KNL1: variants seen among roughly 807,000 people sequenced by gnomAD.
The protein encoded by KNL1 is outer kinetochore KNL1 complex subunit KNL1.
A neutral mutation model predicts 201.3 loss-of-function variants in KNL1; 66 were observed. The observed-to-expected ratio is 0.33, with a 90% CI of 0.27 to 0.40. KNL1 has a LOEUF of 0.40. Among genes scored for constraint, KNL1 ranks in the 10% least tolerant of loss-of-function variants. KNL1 has a pLI of 1.00. For missense variants in KNL1, 2,815 were observed against 2,690.5 expected (o/e 1.05, Z -1.02); for synonymous variants, 895 against 899.2 (o/e 1.00, Z 0.08).
rs373109493 is a variant in KNL1, at chr15:40,625,306, T to C, written c.5042T>C (p.Ile1681Thr). 25 of 1,613,970 alleles carry C rather than the reference T, an allele frequency of 1.5e-5. No individual in the cohort carries two copies. Among genetic ancestry groups the C allele is most frequent in the Admixed American group, 3.3e-5 (2 of 59,996 alleles). Reference sequence around the variant, plus strand: ...CAGATTCCAGCAGACACAACTGATATAAATCACTTAGAAACTCAGCCGGTC... The same window carrying C: ...CAGATTCCAGCAGACACAACTGATACAAATCACTTAGAAACTCAGCCGGTC... ...LEQIPADTTDINHLETQPVSS... is the reference protein window; with the variant it reads ...LEQIPADTTDTNHLETQPVSS... Residue 1681 changes from isoleucine to threonine, a missense_variant, in exon 10 of 26, where the codon ATA (isoleucine) becomes ACA (threonine). By Grantham distance (89) the Ile-to-Thr change is moderately conservative. Around this residue, in one of 3 missense-constraint regions of KNL1, gnomAD observed 2,464 missense variants for 2,291.7 expected, o/e 1.08. Coordinates refer to ENST00000399668, the MANE Select transcript of KNL1 (RefSeq NM_144508.5).
intron 7 of KNL1, among the ~76,000 whole-genome samples, chr15:40,612,190 C>T (rs535532325): frequency 6.6e-6 from 1 of 152,208 alleles, no homozygotes; most frequent in South Asian, 2.1e-4. Context: ...GTGGTGGGCG[C>T]CTGTAGTCCC....
Position 40,639,414 on chromosome 15 carries a change from C to T in KNL1, c.5683-1498C>T, listed in dbSNP as rs368341190. Among the ~76,000 whole-genome samples the T allele has an allele frequency of 1.4e-3, 213 of 151,726 alleles. 2 individuals carry two copies. The highest frequency in any genetic ancestry group is 7.1e-3 in the Admixed American group (108 of 15,224). Reference sequence around the variant, plus strand: ...CAGCCTGGCCAACATGGTGAAACCCCATATCTACTAAAGATACAAAAGTAG... The same window carrying T: ...CAGCCTGGCCAACATGGTGAAACCCTATATCTACTAAAGATACAAAAGTAG... On this transcript the variant is annotated intron_variant, in intron 13 of 25. Transcript: ENST00000399668.
intron 17 of KNL1, among the ~76,000 whole-genome samples, chr15:40,648,295 G>A (rs1177135652): frequency 1.3e-5 from 2 of 152,142 alleles, no homozygotes; most frequent in African/African-American, 4.8e-5. Context: ...AGCTCAGCGT[G>A]ATGGCACATA....
chr15:40,627,483 C>T (rs1892788579), intron 10 of KNL1, among the ~76,000 whole-genome samples: 2 of 149,368 alleles, frequency 1.3e-5, no homozygotes, highest in African/African-American at 2.5e-5. Flanking sequence ...CAGTGCACTC[C>T]AGCCTGGGCA....
At chr15:40,628,471 C>G (rs1892813666) in intron 11 of KNL1, 140 bp from the exon 12 acceptor site, 1 of 659,382 alleles carries the variant, frequency 1.5e-6, no homozygotes, top group Non-Finnish European at 2.6e-6. Context: ...CTATAATATA[C>G]TTTGCCCTGC....
At chr15:40,642,051 A>G (rs1893244696) in intron 14 of KNL1, among the ~76,000 whole-genome samples, 1 of 152,228 alleles carries the variant, frequency 6.6e-6, no homozygotes, top group African/African-American at 2.4e-5. Context: ...GTCTTTAAGA[A>G]TTATCTGGGT....
rs1893931911 is a variant in KNL1 at position 40,662,232 on chromosome 15, T to C, written c.*44T>C. On this transcript the variant is annotated 3_prime_UTR_variant, in exon 26 of 26. Coordinates refer to ENST00000399668, the MANE Select transcript of KNL1 (RefSeq NM_144508.5). ...GAACAACCAAGCAGAATGTACTTGA[T>C]ATTATTTCAGGGTCCCATTGCTGTT... 2 of 1,127,190 alleles carry C rather than the reference T, an allele frequency of 1.8e-6. No individual in the cohort carries two copies. The highest frequency in any genetic ancestry group is 2.7e-6 in the Non-Finnish European group (2 of 741,424). 69.8% of individuals were successfully genotyped at this position (1,127,190 alleles called of 1,614,324 possible).
Position 40,622,049 on chromosome 15 carries a change from G to C in KNL1, c.1785G>C (p.Pro595=). Residue 595 remains proline (P), a synonymous_variant, in exon 10 of 26, where the codon CCG becomes CCC. Transcript: ENST00000399668. ...QVPLAAYNLA[P]ESTSESHSQS... ...CTCTTGCAGCTTATAATCTAGCACC[G>C]GAGAGTACCAGTGAATCTCACTCTC... 6.2e-7 allele frequency: 1 copy of C among 1,613,868 alleles called. No homozygotes were observed. Among genetic ancestry groups the C allele is most frequent in the South Asian group, 1.1e-5 (1 of 91,074 alleles).
Position 40,662,126 on chromosome 15 carries a change from C to T in KNL1, c.6889C>T (p.Leu2297=). 2.5e-6 allele frequency: 4 copies of T among 1,613,004 alleles called. No homozygotes were observed. The highest frequency in any genetic ancestry group is 1.1e-5 in the South Asian group (1 of 91,054). The change falls in exon 26 of 26, where the codon CTG becomes TTG. Residue 2297 remains leucine, a synonymous_variant. Transcript: ENST00000399668. ...TAAAGTGCCACTGGAGAACAACTAC[C>T]TGAAGAATGTAGTCAAGCAAATTTA... ...LSKVPLENNY[L]KNVVKQIYQD... is the part of the protein sequence containing the mutation.
intron 13 of KNL1, among the ~76,000 whole-genome samples, chr15:40,635,922 A>C (rs970864042): frequency 1.3e-5 from 2 of 152,010 alleles, no homozygotes; most frequent in East Asian, 1.9e-4. Flanking sequence ...GCTGGAGTGC[A>C]CTTCCCGGGT....
At chr15:40,617,138 G>A (rs553539799) in intron 8 of KNL1, among the ~76,000 whole-genome samples, 3 of 151,978 alleles carry the variant, frequency 2.0e-5, no homozygotes, top group Non-Finnish European at 2.9e-5. Context: ...TAGTAGAGAT[G>A]GGGTTTCACC....
At position 40,621,093 on chromosome 15, in the gene KNL1, A is replaced by G; in HGVS notation, c.829A>G (p.Lys277Glu). 1 of 1,613,636 alleles carries G rather than the reference A, an allele frequency of 6.2e-7. No individual in the cohort carries two copies. Among genetic ancestry groups the G allele is most frequent in the Non-Finnish European group, 8.5e-7 (1 of 1,179,826 alleles). The change falls in exon 10 of 26, where the codon AAA (lysine) becomes GAA (glutamate). Residue 277 changes from lysine (K) to glutamate (E), a missense_variant. Transcript: ENST00000399668. ...NSNITRLFREKDDGMNFTQCH... is the reference protein window; with the variant it reads ...NSNITRLFREEDDGMNFTQCH... The stretch of plus-strand genomic sequence containing the variant: ...TAATATTACTAGGCTCTTTAGAGAA[A>G]AAGATGATGGGATGAATTTCACCCA...
At position 40,654,898 on chromosome 15, in the gene KNL1, G is replaced by T. The variant is rs746241029; in HGVS notation, c.6416-11G>T. The T allele has an allele frequency of 6.9e-6, 11 of 1,605,600 alleles. No individual in the cohort carries two copies. Among genetic ancestry groups the T allele is most frequent in the Non-Finnish European group, 9.4e-6 (11 of 1,174,844 alleles). ...AAAATTTTTAAAAATCATTATTCTG[G>T]TTCTTTCTAGTTGGTTTCCCTTTCC... On this transcript the variant is annotated splice_polypyrimidine_tract_variant and intron_variant, in intron 21 of 25. Transcript: ENST00000399668.
At chr15:40,643,723 C>T (rs774665525) in intron 14 of KNL1, among the ~76,000 whole-genome samples, 1 of 152,148 alleles carries the variant, frequency 6.6e-6, no homozygotes, top group African/African-American at 2.4e-5. Flanking sequence ...TCTTTATAAG[C>T]GAAATGTTTC....
rs774999750 is a variant in KNL1, at chr15:40,622,898, T to C, written c.2634T>C (p.Tyr878=). The change falls in exon 10 of 26, where the codon TAT becomes TAC. Residue 878 remains tyrosine, a synonymous_variant. Transcript: ENST00000399668. ...DKNDMDITKS[Y]TIEINHRPLL... is the part of the protein sequence containing the mutation. Reference sequence around the variant, plus strand: ...ATGATATGGATATCACTAAGAGTTATACAATAGAAATAAACCATAGACCTT... The same window carrying C: ...ATGATATGGATATCACTAAGAGTTACACAATAGAAATAAACCATAGACCTT... The C allele has an allele frequency of 6.8e-6, 11 of 1,612,540 alleles. No homozygotes were observed. The Middle Eastern group carries it at 4.9e-4, about 72-fold the overall frequency.
chr15:40,621,012 A>T lies in KNL1; in HGVS notation c.748A>T (p.Ser250Cys), dbSNP rs34272097. Residue 250 changes from serine to cysteine, a missense_variant, in exon 10 of 26, where the codon AGT becomes TGT. By Grantham distance (112) the Ser-to-Cys change is moderately radical. Transcript: ENST00000399668. ...EIPIYSKEPN[S>C]ASSTHQMHVS... ...ACCTATTTATTCCAAGGAACCGAAC[A>T]GTGCCTCTTCTACACATCAAATGCA... 2 of 1,605,660 alleles carry T rather than the reference A, an allele frequency of 1.2e-6. No individual in the cohort carries two copies. Among genetic ancestry groups the T allele is most frequent in the Admixed American group, 3.5e-5 (2 of 57,614 alleles).
chr15:40,609,206 G>C (rs554240598), intron 5 of KNL1, among the ~76,000 whole-genome samples: 2 of 142,686 alleles, frequency 1.4e-5, no homozygotes, highest in Non-Finnish European at 3.0e-5. Context: ...CCAATAGTTC[G>C]AGACTAGCCC....
chr15:40,610,896 T>C lies in KNL1; in HGVS notation c.251-582T>C, dbSNP rs1210485126. 5 of 452,030 alleles carry C rather than the reference T, an allele frequency of 1.1e-5. No individual in the cohort carries two copies. In the East Asian group the frequency reaches 3.5e-4, roughly 32 times the overall value. 28.0% of individuals were successfully genotyped at this position (452,030 alleles called of 1,614,324 possible). ...TCCCAGGTAGCCGGGATTACAGGCA[T>C]GCACCACCACACCCAGCTAATTTTT... On this transcript the variant is annotated intron_variant, in intron 6 of 25. Transcript: ENST00000399668.
chr15:40,607,514 A>G (rs996075256), intron 4 of KNL1, among the ~76,000 whole-genome samples: 1 of 152,194 alleles, frequency 6.6e-6, no homozygotes, highest in Non-Finnish European at 1.5e-5. Context: ...GAATTAACCC[A>G]GTAAAACTCT....
Sources: gnomAD v4.1 joint callset for allele counts (sites outside exome capture counted in the v4.1 genomes callset) on GRCh38, gnomAD v4.1.1 for gene constraint, gnomAD v4.1.1 regional missense constraint, MANE v1.5 for transcripts, NCBI Gene and HGNC (gene_info 2026-07-23, HGNC 2026-07-21) for gene names.